HSF2BP: variants seen among roughly 807,000 people sequenced by gnomAD.
HSF2BP encodes heat shock transcription factor 2 binding protein.
In HSF2BP, 35 loss-of-function variants were observed where a neutral mutation model predicts 35.0. The observed-to-expected ratio is 1.00, with a 90% CI of 0.76 to 1.32. The LOEUF (loss-of-function observed/expected upper bound fraction) is 1.32, where lower values mean the gene tolerates loss of function less well. Among genes scored for constraint, HSF2BP ranks in the 40% most tolerant of loss-of-function variants. The probability of loss-of-function intolerance (pLI) is 0.00; values close to 1 mark genes in which losing one functional copy is unlikely to be tolerated. For synonymous variants in HSF2BP, 114 were observed against 117.4 expected, an observed-to-expected ratio of 0.97 and a Z score of 0.18; for missense variants, 326 against 321.7, an observed-to-expected ratio of 1.01 and a Z score of -0.10.
Position 43,630,357 on chromosome 21 carries a change from CT to C in HSF2BP, c.538del (p.Ser180ValfsTer17). 1 of 1,613,090 alleles carries C rather than the reference CT, an allele frequency of 6.2e-7. No individual in the cohort carries two copies. Among genetic ancestry groups the C allele is most frequent in the East Asian group, 2.2e-5 (1 of 44,786 alleles). Reference protein sequence around the residue: ...GDVQELDSDESQFVFALAGIV... With the variant: ...GDVQELDSDEXQFVFALAGIV... ...TCCAGCCAGAGCGAAAACAAACTGA[CT>C]TTCATCCGAATCCAGCTCCTGGACA... On this transcript the variant is annotated frameshift_variant, in exon 6 of 9. Transcript: ENST00000291560. LOFTEE classifies it high-confidence loss of function.
At chr21:43,633,664 C>T (rs2082514073) in intron 4 of HSF2BP, among the ~76,000 whole-genome samples, 1 of 152,156 alleles carries the variant, frequency 6.6e-6, no homozygotes, top group African/African-American at 2.4e-5. Context: ...TTGATAAACC[C>T]ACAGAGCTGA....
chr21:43,615,405 TTGAC>T, intron 6 of HSF2BP, among the ~76,000 whole-genome samples: 1 of 152,344 alleles, frequency 6.6e-6, no homozygotes, highest in East Asian at 1.9e-4. Context: ...TCTTCTGCCT[TTGAC>T]TGGATGTAAT....
intron 6 of HSF2BP, among the ~76,000 whole-genome samples, chr21:43,626,384 A>T (rs2082389845): frequency 1.3e-5 from 2 of 152,256 alleles, no homozygotes; most frequent in African/African-American, 4.8e-5. Flanking sequence ...AAAGTCTGAA[A>T]TTAAATAATT....
intron 4 of HSF2BP, among the ~76,000 whole-genome samples, chr21:43,636,299 A>G (rs1281955256): frequency 6.6e-6 from 1 of 151,778 alleles, no homozygotes; most frequent in Non-Finnish European, 1.5e-5. Context: ...AGAGAATCAT[A>G]AACATAAATG....
intron 6 of HSF2BP, among the ~76,000 whole-genome samples, chr21:43,629,096 A>C (rs1434209442): frequency 6.6e-6 from 1 of 152,168 alleles, no homozygotes; most frequent in Non-Finnish European, 1.5e-5. Context: ...CTAATACAAT[A>C]CCTATTCTTC....
intron 6 of HSF2BP, among the ~76,000 whole-genome samples, chr21:43,615,051 A>G (rs1363143537): frequency 6.6e-6 from 1 of 152,220 alleles, no homozygotes; most frequent in Non-Finnish European, 1.5e-5. Context: ...TGCTGCAGCC[A>G]TTACTGGCTC....
At chr21:43,640,103 A>T (rs762954280) in intron 4 of HSF2BP, among the ~76,000 whole-genome samples, 1 of 152,148 alleles carries the variant, frequency 6.6e-6, no homozygotes, top group Non-Finnish European at 1.5e-5. Context: ...GGGGTTCAAG[A>T]CCAGCCTGAG....
At chr21:43,468,004 CACACCACAA>C in the HSF2BP span, among the ~76,000 whole-genome samples, 1 of 125,608 alleles carries the variant, frequency 8.0e-6, no homozygotes, top group Non-Finnish European at 1.7e-5. Context: ...ACACACCACA[CACACCACAA>C]ACCATACACA....
intron 7 of HSF2BP, among the ~76,000 whole-genome samples, chr21:43,609,149 T>A (rs994865278): frequency 2.6e-5 from 4 of 152,204 alleles, no homozygotes; most frequent in Non-Finnish European, 5.9e-5. Context: ...GGAGGCTGCC[T>A]CCACTTATCT....
intron 5 of HSF2BP, 95 bp from the exon 6 acceptor site, chr21:43,630,549 T>C (rs1034694924): frequency 3.0e-6 from 4 of 1,351,934 alleles, no homozygotes; most frequent in Non-Finnish European, 3.9e-6. Flanking sequence ...TAGTTTTAAT[T>C]GTAGAATATT....
intron 8 of HSF2BP, among the ~76,000 whole-genome samples, chr21:43,589,168 A>G (rs955265826): frequency 3.3e-5 from 5 of 152,162 alleles, no homozygotes; most frequent in Admixed American, 3.3e-4. Context: ...TTTGCCCTAG[A>G]GGGAAACATT....
intron 6 of HSF2BP, among the ~76,000 whole-genome samples, chr21:43,627,151 C>T (rs140901662): frequency 0.013 from 2,024 of 152,242 alleles, 32 homozygotes; most frequent in African/African-American, 0.045. Flanking sequence ...GGATTACAGG[C>T]GTAAGCCACC....
intron 4 of HSF2BP, among the ~76,000 whole-genome samples, chr21:43,643,787 T>C (rs954081480): frequency 6.6e-6 from 1 of 151,840 alleles, no homozygotes; most frequent in African/African-American, 2.4e-5. Flanking sequence ...TGAAACCCCG[T>C]CTCTACTAAA....
At chr21:43,631,914 C>T (rs557273082) in intron 5 of HSF2BP, among the ~76,000 whole-genome samples, 18 of 150,250 alleles carry the variant, frequency 1.2e-4, no homozygotes, top group African/African-American at 4.2e-4. Flanking sequence ...CACACCCACA[C>T]GCTCCCACAC....
At chr21:43,655,362 G>A (rs1032612989) in intron 3 of HSF2BP, among the ~76,000 whole-genome samples, 5 of 152,152 alleles carry the variant, frequency 3.3e-5, no homozygotes, top group Admixed American at 6.6e-5. Flanking sequence ...AGTCCCAGTG[G>A]GAAAGAGAAA....
intron 3 of HSF2BP, among the ~76,000 whole-genome samples, chr21:43,655,346 T>C (rs1288797770): frequency 6.6e-6 from 1 of 152,160 alleles, no homozygotes; most frequent in Admixed American, 6.5e-5. Context: ...GCCATGTATC[T>C]GGCAGAGTCC....
chr21:43,580,737 A>C (rs1265413571), intron 8 of HSF2BP, among the ~76,000 whole-genome samples: 1 of 152,262 alleles, frequency 6.6e-6, no homozygotes, highest in Non-Finnish European at 1.5e-5. Flanking sequence ...AAACATTCAC[A>C]TGTAAAATTC....
At chr21:43,650,453 C>G (rs1429829202) in intron 3 of HSF2BP, among the ~76,000 whole-genome samples, 1 of 152,094 alleles carries the variant, frequency 6.6e-6, no homozygotes, top group Non-Finnish European at 1.5e-5. Flanking sequence ...GATCCGCCCA[C>G]TTCGGCCTCC....
At chr21:43,625,210 T>C (rs1328117028) in intron 6 of HSF2BP, among the ~76,000 whole-genome samples, 1 of 152,116 alleles carries the variant, frequency 6.6e-6, no homozygotes, top group East Asian at 1.9e-4. Context: ...ACAGGTCTTC[T>C]TGAACACATT....
Sources: allele counts gnomAD v4.1 joint callset (sites outside exome capture counted in the v4.1 genomes callset), GRCh38; gene constraint gnomAD v4.1.1; transcripts MANE v1.5; gene names NCBI Gene and HGNC (gene_info 2026-07-23, HGNC 2026-07-21).